Variants in ZNF423 observed in about 807,000 individuals in gnomAD.
ZNF423 encodes the protein Ebf-associated zinc finger protein.
Under a neutral mutation model 95.8 loss-of-function variants are expected in ZNF423, and 12 were observed. The observed-to-expected ratio is 0.13, with a 90% CI of 0.08 to 0.20. The LOEUF is 0.20. Among genes scored for constraint, ZNF423 ranks in the 10% least tolerant of loss-of-function variants. The pLI is 1.00. For synonymous variants in ZNF423, 749 were observed against 711.9 expected, an observed-to-expected ratio of 1.05 and a Z score of -0.83; for missense variants, 1,316 against 1,737.1, an observed-to-expected ratio of 0.76 and a Z score of 4.31.
chr16:49,534,936 T>C (rs1969001869), intron 5 of ZNF423, among the ~76,000 whole-genome samples: 1 of 152,196 alleles, frequency 6.6e-6, no homozygotes, highest in South Asian at 2.1e-4. Flanking sequence ...TGAGTTGACT[T>C]TGCCTCCCCT....
intron 1 of ZNF423, among the ~76,000 whole-genome samples, chr16:49,852,070 C>T (rs906834988): frequency 4.6e-5 from 7 of 152,142 alleles, no homozygotes; most frequent in African/African-American, 1.2e-4. Flanking sequence ...AACCTCAGAA[C>T]GCCTCTATTT....
intron 3 of ZNF423, among the ~76,000 whole-genome samples, chr16:49,673,768 T>A (rs2030925060): frequency 6.6e-6 from 1 of 152,216 alleles, no homozygotes; most frequent in African/African-American, 2.4e-5. Flanking sequence ...CAGTCTACCC[T>A]GATGAGGATT....
intron 1 of ZNF423, among the ~76,000 whole-genome samples, chr16:49,834,043 C>G (rs1439869362): frequency 3.3e-5 from 5 of 152,188 alleles, no homozygotes. Context: ...AGCCAACACC[C>G]GAGCAGGACA....
intron 5 of ZNF423, among the ~76,000 whole-genome samples, chr16:49,554,388 C>T (rs940224857): frequency 6.6e-6 from 1 of 152,152 alleles, no homozygotes. Flanking sequence ...TTGGTGACCA[C>T]ACCTTGACCC....
At chr16:49,556,790 T>C (rs1969842116) in intron 5 of ZNF423, among the ~76,000 whole-genome samples, 1 of 152,264 alleles carries the variant, frequency 6.6e-6, no homozygotes, top group African/African-American at 2.4e-5. Context: ...TCTTAGCTCC[T>C]GTATTTATAG....
chr16:49,501,870 G>T (rs994860872), intron 7 of ZNF423, among the ~76,000 whole-genome samples: 1 of 135,854 alleles, frequency 7.4e-6, no homozygotes, highest in Non-Finnish European at 1.6e-5. Context: ...AGAAACTGGG[G>T]AATAAAAGAG....
At chr16:49,709,614 A>G (rs1362135432) in intron 3 of ZNF423, among the ~76,000 whole-genome samples, 1 of 152,116 alleles carries the variant, frequency 6.6e-6, no homozygotes, top group Non-Finnish European at 1.5e-5. Flanking sequence ...CGTCCCCCCA[A>G]AATTTGTATG....
In ZNF423 at chr16:49,855,523, G is replaced by GCCGCCGCCGCCGCCGCCGCCT. The variant is rs1395567426; in HGVS notation, c.40+211_40+212insAGGCGGCGGCGGCGGCGGCGG. On this transcript the variant is annotated intron_variant, in intron 1 of 7. Coordinates refer to ENST00000563137, the MANE Select transcript of ZNF423 (RefSeq NM_001379286.1). This position sits in a 1 kb window ranked among gnomAD's most constrained non-coding sequence, Gnocchi z 4.7. ...GCGGCGTACCCCCTCCGCCGCCGCCGCCGCCGCCGCCGCCTCCGCCTCCTG... is the reference window on the plus strand; with the variant it reads ...GCGGCGTACCCCCTCCGCCGCCGCCGCCGCCGCCGCCGCCGCCGCCTCCGCCGCCGCCGCCTCCGCCTCCTG... Among the ~76,000 whole-genome samples, 1 of 144,620 alleles carries GCCGCCGCCGCCGCCGCCGCCT rather than the reference G, an allele frequency of 6.9e-6. No homozygotes were observed. Among genetic ancestry groups the GCCGCCGCCGCCGCCGCCGCCT allele is most frequent in the Non-Finnish European group, 1.5e-5 (1 of 65,412 alleles). 94.9% of individuals were successfully genotyped at this position (144,620 alleles called of 152,430 possible).
At chr16:49,680,867 C>CTGACT (rs2031324022) in intron 3 of ZNF423, among the ~76,000 whole-genome samples, 4 of 152,212 alleles carry the variant, frequency 2.6e-5, no homozygotes, top group Non-Finnish European at 4.4e-5. Context: ...GCAATATAGT[C>CTGACT]AGGCAGAAGG....
intron 1 of ZNF423, among the ~76,000 whole-genome samples, chr16:49,826,259 T>C (rs2144041016): frequency 6.6e-6 from 1 of 152,232 alleles, no homozygotes; most frequent in African/African-American, 2.4e-5. Flanking sequence ...TGGGCTTTGA[T>C]GTGCATTATT....
chr16:49,615,548 G>A (rs893504884), intron 5 of ZNF423, among the ~76,000 whole-genome samples: 13 of 152,184 alleles, frequency 8.5e-5, no homozygotes, highest in Non-Finnish European at 1.5e-4. Context: ...ACGCAGGCTA[G>A]GCAGTCCCAT....
intron 2 of ZNF423, chr16:49,764,515 T>A (rs1201964825): frequency 6.6e-6 from 1 of 151,952 alleles, no homozygotes; most frequent in Admixed American, 6.6e-5. Context: ...CCGTGAAAGG[T>A]GCGTGCGGGA....
chr16:49,576,337 C>T (rs1202563561), intron 5 of ZNF423, among the ~76,000 whole-genome samples: 4 of 152,186 alleles, frequency 2.6e-5, no homozygotes, highest in Non-Finnish European at 2.9e-5. Flanking sequence ...GCCAGGTGAA[C>T]TCGTGGTGGG....
chr16:49,493,020 C>G (rs538045769), intron 7 of ZNF423, among the ~76,000 whole-genome samples: 1 of 152,268 alleles, frequency 6.6e-6, no homozygotes, highest in Admixed American at 6.5e-5. Flanking sequence ...CCTGACACCT[C>G]GGTCGGGGGC....
intron 7 of ZNF423, among the ~76,000 whole-genome samples, chr16:49,512,559 T>C (rs1357916707): frequency 6.6e-6 from 1 of 152,186 alleles, no homozygotes; most frequent in African/African-American, 2.4e-5. Flanking sequence ...CAACATGTGG[T>C]CACATTCAGT....
intron 1 of ZNF423, among the ~76,000 whole-genome samples, chr16:49,804,175 T>C (rs964410456): frequency 6.6e-6 from 1 of 152,084 alleles, no homozygotes; most frequent in African/African-American, 2.4e-5. Context: ...CCTCAGGTGA[T>C]CTGCCCATCT....
intron 5 of ZNF423, among the ~76,000 whole-genome samples, chr16:49,531,768 C>A (rs1032390006): frequency 6.6e-6 from 1 of 152,118 alleles, no homozygotes; most frequent in African/African-American, 2.4e-5. Context: ...TGGGCAAGAG[C>A]TGGGAGCAGG....
intron 1 of ZNF423, among the ~76,000 whole-genome samples, chr16:49,829,796 G>A (rs999527449): frequency 6.6e-6 from 1 of 152,140 alleles, no homozygotes; most frequent in African/African-American, 2.4e-5. Flanking sequence ...AAGAAATGTG[G>A]GGGCTCCAGT....
intron 5 of ZNF423, among the ~76,000 whole-genome samples, chr16:49,542,965 C>T (rs1969305322): frequency 6.6e-6 from 1 of 152,150 alleles, no homozygotes; most frequent in Non-Finnish European, 1.5e-5. Flanking sequence ...TGGAAATGTT[C>T]TTCATCTGAG....
Sources: gnomAD v4.1 joint callset for allele counts (sites outside exome capture counted in the v4.1 genomes callset) on GRCh38, gnomAD v4.1.1 for gene constraint, Gnocchi (gnomAD v3.1) non-coding constraint, MANE v1.5 for transcripts, NCBI Gene and HGNC (gene_info 2026-07-23, HGNC 2026-07-21) for gene names.